The following CCDC3 variants were observed in gnomAD, a reference collection of about 807,000 sequenced individuals.
The protein encoded by CCDC3 is coiled-coil domain containing 3.
A neutral mutation model predicts 21.4 loss-of-function variants in CCDC3; 24 were observed. The ratio of observed to expected loss-of-function variants is 1.12; its 90% CI spans 0.81 to 1.58. The LOEUF (loss-of-function observed/expected upper bound fraction) is 1.58, where lower values mean the gene tolerates loss of function less well. Ranked by LOEUF, CCDC3 falls within the 40% of genes most tolerant of loss-of-function variation. CCDC3 has a pLI of 0.00. For missense variants in CCDC3, 425 were observed against 360.9 expected, an observed-to-expected ratio of 1.18 and a Z score of -1.44; for synonymous variants, 186 against 166.0, an observed-to-expected ratio of 1.12 and a Z score of -0.93.
chr10:13,014,063 C>T (rs1018946198), intron 5 of CCDC3, among the ~76,000 whole-genome samples: 1 of 151,352 alleles, frequency 6.6e-6, no homozygotes. Flanking sequence ...AGGCAGGAGA[C>T]TCACTTGAAC....
chr10:12,922,857 A>G (rs531391910), intron 2 of CCDC3, among the ~76,000 whole-genome samples: 1 of 152,280 alleles, frequency 6.6e-6, no homozygotes, highest in Admixed American at 6.5e-5. Flanking sequence ...ATGCTTCCCC[A>G]AATGCCAATT....
intron 5 of CCDC3, among the ~76,000 whole-genome samples, chr10:13,015,985 G>C (rs1461690263): frequency 6.6e-6 from 1 of 151,986 alleles, no homozygotes; most frequent in African/African-American, 2.4e-5. Context: ...AAATGCTTGA[G>C]GGAATGAATA....
intron 5 of CCDC3, among the ~76,000 whole-genome samples, chr10:13,010,726 C>T (rs752144589): frequency 2.6e-5 from 4 of 152,116 alleles, no homozygotes; most frequent in Non-Finnish European, 5.9e-5. Flanking sequence ...TCCACAGGTA[C>T]ATGAAAAAAT....
chr10:12,984,270 G>T (rs1045225714), intron 2 of CCDC3, among the ~76,000 whole-genome samples: 11 of 152,126 alleles, frequency 7.2e-5, no homozygotes, highest in Admixed American at 7.2e-4. Context: ...CTCCCAAAAG[G>T]ACACTATGCA....
chr10:12,970,566 T>C (rs575164683), intron 2 of CCDC3, among the ~76,000 whole-genome samples: 6 of 152,336 alleles, frequency 3.9e-5, no homozygotes, highest in Non-Finnish European at 7.3e-5. Flanking sequence ...ATACAACTTT[T>C]ACTTAATTAA....
chr10:13,057,920 T>C, intron 4 of CCDC3: 1 of 544,172 alleles, frequency 1.8e-6, no homozygotes, highest in Non-Finnish European at 3.4e-6. Context: ...CTTCTTTTCA[T>C]AGACTGGATT....
chr10:12,900,522 C>CAAAAAAA (rs10716235), intron 2 of CCDC3, among the ~76,000 whole-genome samples: 478 of 75,688 alleles, frequency 6.3e-3, no homozygotes, highest in Middle Eastern at 0.01. Context: ...ACTAAAAATA[C>CAAAAAAA]AAAAAAAAAA....
intron 2 of CCDC3, among the ~76,000 whole-genome samples, chr10:12,964,294 C>A (rs1296128205): frequency 6.6e-6 from 1 of 151,976 alleles, no homozygotes; most frequent in East Asian, 1.9e-4. Context: ...ATCGCTTGAA[C>A]CCGGGAGGCA....
At chr10:12,951,563 T>C (rs1037766421) in intron 2 of CCDC3, among the ~76,000 whole-genome samples, 5 of 152,018 alleles carry the variant, frequency 3.3e-5, no homozygotes, top group Admixed American at 6.5e-5. Context: ...CCCAGCACTT[T>C]GGGAGGCTGA....
At position 12,917,286 on chromosome 10, in the gene CCDC3, C is replaced by T. The variant is rs186483378; in HGVS notation, c.550-18607G>A. Among the ~76,000 whole-genome samples, 454 of 138,868 alleles carry T rather than the reference C, an allele frequency of 3.3e-3. 2 individuals carry two copies. Among genetic ancestry groups the T allele is most frequent in the African/African-American group, 0.012 (435 of 37,472 alleles). 91.1% of individuals were successfully genotyped at this position (138,868 alleles called of 152,430 possible). On this transcript the variant is annotated intron_variant, in intron 2 of 2. Transcript: ENST00000378825. ...TCGGCTCACTGCAAGCTCCGCCTCC[C>T]GGGTTCATGCCATTCTCCTGCCTCA...
intron 2 of CCDC3, among the ~76,000 whole-genome samples, chr10:12,934,206 G>A (rs1251008): frequency 0.81 from 123,019 of 152,220 alleles, 49,936 homozygotes; most frequent in East Asian, 1. Flanking sequence ...TGTGTTACTT[G>A]GAAATGTCTT....
chr10:12,898,429 T>G lies in CCDC3; in HGVS notation c.800A>C (p.Tyr267Ser), dbSNP rs374419795. 244 of 1,602,938 alleles carry G rather than the reference T, an allele frequency of 1.5e-4. No individual in the cohort carries two copies. The highest frequency in any genetic ancestry group is 3.8e-4 in the Middle Eastern group (2 of 5,278). The change falls in exon 3 of 3, where the codon TAC becomes TCC. Residue 267 changes from tyrosine to serine, a missense_variant. By Grantham distance (144) the Tyr-to-Ser change is moderately radical. Transcript: ENST00000378825. Reference protein sequence around the residue: ...INARGPVRPPYLRG With the variant: ...INARGPVRPPSLRG ...CCCCCAGGCCCGTTACCCCCGCAGG[T>G]AGGGGGGGCGCACGGGCCCCCGGGC... is the stretch of plus-strand genomic sequence containing the variant.
intron 3 of CCDC3, among the ~76,000 whole-genome samples, chr10:13,078,212 C>T (rs1836989162): frequency 6.6e-6 from 1 of 152,152 alleles, no homozygotes; most frequent in Non-Finnish European, 1.5e-5. Flanking sequence ...TATGAACAGA[C>T]ACTTCTCAAA....
Position 13,010,191 on chromosome 10 carries a change from T to C in CCDC3, c.-1-11679A>G, listed in dbSNP as rs2083378. On this transcript the variant is annotated intron_variant, in intron 5 of 6. Coordinates refer to the CCDC3 transcript ENST00000378839. Reference sequence around the variant, plus strand: ...TGAACCTGGGAGGTAGAGTTTGGAGTGAGCCAAGATCATGCCACTGCACTC... The same window carrying C: ...TGAACCTGGGAGGTAGAGTTTGGAGCGAGCCAAGATCATGCCACTGCACTC... Among the ~76,000 whole-genome samples, 791 of 151,648 alleles carry C rather than the reference T, an allele frequency of 5.2e-3. 8 individuals carry two copies. Among genetic ancestry groups the C allele is most frequent in the African/African-American group, 0.018 (745 of 41,324 alleles).
At chr10:13,013,716 G>A (rs905702513) in intron 5 of CCDC3, among the ~76,000 whole-genome samples, 1 of 152,084 alleles carries the variant, frequency 6.6e-6, no homozygotes, top group Non-Finnish European at 1.5e-5. Context: ...GATGCAAAAT[G>A]TGAATGTAAA....
In CCDC3 at chr10:13,015,446, T is replaced by C. The variant is rs556377893; in HGVS notation, c.-1-16934A>G. On this transcript the variant is annotated intron_variant, in intron 5 of 6. Transcript: ENST00000378839. ...ACCCTGGGTCTTCTGGCATTGACGA[T>C]GGGAGAGCTGCCAGTCATCACAGCG... is the stretch of plus-strand genomic sequence containing the variant. Among the ~76,000 whole-genome samples, 4 of 152,118 alleles carry C rather than the reference T, an allele frequency of 2.6e-5. No homozygotes were observed. In the South Asian group the frequency reaches 8.3e-4, roughly 32 times the overall value.
intron 2 of CCDC3, among the ~76,000 whole-genome samples, chr10:12,923,857 C>A (rs535857704): frequency 2.0e-5 from 3 of 152,306 alleles, no homozygotes; most frequent in South Asian, 2.1e-4. Flanking sequence ...CCTCTGCTGT[C>A]ATGTGTATCT....
chr10:13,019,754 G>A (rs1048648726), intron 5 of CCDC3, among the ~76,000 whole-genome samples: 3 of 151,960 alleles, frequency 2.0e-5, no homozygotes, highest in Non-Finnish European at 4.4e-5. Flanking sequence ...CCAGCACTTT[G>A]GGAGGCCAGG....
intron 2 of CCDC3, among the ~76,000 whole-genome samples, chr10:12,907,166 C>A (rs118119889): frequency 0.05 from 7,584 of 152,272 alleles, 279 homozygotes; most frequent in Middle Eastern, 0.096. Context: ...TCCATCTTTT[C>A]ATTCTTGCAT....
Sources: gnomAD v4.1 joint callset for allele counts (sites outside exome capture counted in the v4.1 genomes callset) on GRCh38, gnomAD v4.1.1 for gene constraint, MANE v1.5 for transcripts, NCBI Gene and HGNC (gene_info 2026-07-23, HGNC 2026-07-21) for gene names.